CALN1: variants seen among roughly 807,000 people sequenced by gnomAD.
CALN1 encodes calneuron 1.
A neutral mutation model predicts 30.6 loss-of-function variants in CALN1; 17 were observed. The observed-to-expected ratio is 0.56, with a 90% confidence interval of 0.38 to 0.83. The LOEUF (loss-of-function observed/expected upper bound fraction) is 0.83. CALN1 is among the 40% of genes least tolerant of loss of function. The pLI, the probability that CALN1 is intolerant of heterozygous loss-of-function variation, is 0.00. For missense variants in CALN1, 291 were observed against 354.9 expected (o/e 0.82, Z 1.45); for synonymous variants, 156 against 131.4 (o/e 1.19, Z -1.28).
chr7:72,295,995 T>A (rs571590413), intron 2 of CALN1, among the ~76,000 whole-genome samples: 2 of 152,016 alleles, frequency 1.3e-5, no homozygotes, highest in South Asian at 4.2e-4. Flanking sequence ...ATATTGGCTG[T>A]GGGTTTGTCA....
chr7:71,916,454 TGTG>T (rs1794692414), intron 5 of CALN1, among the ~76,000 whole-genome samples: 1 of 151,926 alleles, frequency 6.6e-6, no homozygotes, highest in African/African-American at 2.4e-5. Flanking sequence ...ATAAAGAAAA[TGTG>T]GTACACATAC....
At chr7:72,088,425 G>A (rs191577006) in intron 4 of CALN1, among the ~76,000 whole-genome samples, 2 of 152,198 alleles carry the variant, frequency 1.3e-5, no homozygotes, top group Non-Finnish European at 2.9e-5. Flanking sequence ...TGGGCCGGGC[G>A]CAGTGGCTCA....
In CALN1 at chr7:72,205,562, ATATATG is replaced by A. The variant is rs1298316871; in HGVS notation, c.244+73118_244+73123del. On this transcript the variant is annotated intron_variant, in intron 3 of 6. Coordinates refer to ENST00000395275, the MANE Select transcript of CALN1 (RefSeq NM_031468.4). ...GATTGCAAAAAAAAAATATATATATATATATGTATATATATATATATATATTCAGGA... is the reference window on the plus strand; with the variant it reads ...GATTGCAAAAAAAAAATATATATATATATATATATATATATATATTCAGGA... 8.8e-4 allele frequency among the ~76,000 whole-genome samples: 104 copies of A among 117,554 alleles called. 17 individuals are homozygous for A. Among genetic ancestry groups the A allele is most frequent in the Admixed American group, 5.0e-3 (56 of 11,186 alleles). The allele number at this position is 117,554 out of a possible 152,430, so 77.1% of individuals were successfully genotyped here. A position where few individuals can be genotyped will look rare whatever the true frequency, so the allele number is the denominator to read the frequency against.
At chr7:72,146,445 C>T (rs1025105876) in intron 3 of CALN1, among the ~76,000 whole-genome samples, 1 of 152,128 alleles carries the variant, frequency 6.6e-6, no homozygotes, top group African/African-American at 2.4e-5. Context: ...GAACTACAAA[C>T]CACTACTCAA....
intron 5 of CALN1, among the ~76,000 whole-genome samples, chr7:72,017,334 T>C (rs946668567): frequency 2.6e-5 from 4 of 152,074 alleles, no homozygotes; most frequent in African/African-American, 4.8e-5. Context: ...CTGCTGCATA[T>C]TCTCCCACCA....
At chr7:72,436,428 G>A (rs139824290) in intron 1 of CALN1, among the ~76,000 whole-genome samples, 2 of 152,308 alleles carry the variant, frequency 1.3e-5, no homozygotes, top group East Asian at 1.9e-4. Flanking sequence ...CTCCAGCCAC[G>A]TGGAACTGTG....
At chr7:72,045,604 C>G (rs373802059) in intron 4 of CALN1, among the ~76,000 whole-genome samples, 1 of 152,226 alleles carries the variant, frequency 6.6e-6, no homozygotes, top group South Asian at 2.1e-4. Context: ...TCACAGCTGA[C>G]TGCAGCTTCC....
At chr7:72,186,456 C>T (rs1261461734) in intron 3 of CALN1, among the ~76,000 whole-genome samples, 1 of 152,060 alleles carries the variant, frequency 6.6e-6, no homozygotes. Flanking sequence ...TTCGGGGGTA[C>T]ATGTGCAGGT....
intron 5 of CALN1, among the ~76,000 whole-genome samples, chr7:71,978,725 G>A (rs1202248107): frequency 6.6e-6 from 1 of 152,146 alleles, no homozygotes; most frequent in Non-Finnish European, 1.5e-5. Flanking sequence ...TCCCTGAATT[G>A]ACTGCAGTTT....
At chr7:72,305,274 C>T (rs1799571113) in intron 2 of CALN1, among the ~76,000 whole-genome samples, 1 of 152,186 alleles carries the variant, frequency 6.6e-6, no homozygotes, top group African/African-American at 2.4e-5. Flanking sequence ...CACAAGGATG[C>T]CGGCGCTGGC....
At chr7:72,350,442 A>T (rs928877685) in intron 2 of CALN1, among the ~76,000 whole-genome samples, 2 of 152,200 alleles carry the variant, frequency 1.3e-5, no homozygotes, top group Non-Finnish European at 2.9e-5. Context: ...ATGGAATACT[A>T]CTCAGCCATA....
At chr7:72,395,353 G>GCA (rs1369419019) in intron 2 of CALN1, among the ~76,000 whole-genome samples, 1 of 66,618 alleles carries the variant, frequency 1.5e-5, no homozygotes, top group Non-Finnish European at 2.9e-5. Flanking sequence ...CGCTGCGCAC[G>GCA]CGCGCGCACA....
In CALN1 at chr7:72,283,123, C is replaced by T. The variant is rs546398652; in HGVS notation, c.120-4313G>A. The stretch of plus-strand genomic sequence containing the variant: ...GTGTTAGATTTGAATCCTACCTCTG[C>T]CCTTATTAGCCAGGTAAATAAGTAG... On this transcript the variant is annotated intron_variant, in intron 2 of 6. Transcript: ENST00000395275. Among the ~76,000 whole-genome samples, 15 of 151,924 alleles carry T rather than the reference C, an allele frequency of 9.9e-5. No individual in the cohort carries two copies. The South Asian group carries it at 2.9e-3, about 30-fold the overall frequency.
chr7:72,416,734 C>CA (rs4029798), upstream of CALN1, among the ~76,000 whole-genome samples: 42 of 77,682 alleles, frequency 5.4e-4, 1 homozygote, highest in South Asian at 1.8e-3. Flanking sequence ...GACTCTGTCT[C>CA]AAAAAAAAAA....
chr7:72,197,700 T>C (rs1181693327), intron 3 of CALN1, among the ~76,000 whole-genome samples: 1 of 151,822 alleles, frequency 6.6e-6, no homozygotes, highest in African/African-American at 2.4e-5. Context: ...CAAATAAAGA[T>C]GGAAAATTAG....
At chr7:72,299,778 T>A (rs1799128834) in intron 2 of CALN1, among the ~76,000 whole-genome samples, 1 of 150,454 alleles carries the variant, frequency 6.6e-6, no homozygotes, top group Non-Finnish European at 1.5e-5. Flanking sequence ...CAAGGGATCC[T>A]CCTGCCTCGA....
At chr7:72,078,077 A>G (rs1237544894) in intron 4 of CALN1, among the ~76,000 whole-genome samples, 1 of 152,212 alleles carries the variant, frequency 6.6e-6, no homozygotes, top group Non-Finnish European at 1.5e-5. Flanking sequence ...AAATGAGGGA[A>G]GAATCTATTC....
At chr7:72,044,083 C>T (rs573738379) in intron 4 of CALN1, among the ~76,000 whole-genome samples, 12 of 152,078 alleles carry the variant, frequency 7.9e-5, no homozygotes, top group East Asian at 5.8e-4. Context: ...CCACAACACG[C>T]GGGAATTCAA....
chr7:72,409,431 G>A (rs375787716), intron 1 of CALN1, among the ~76,000 whole-genome samples: 14 of 148,050 alleles, frequency 9.5e-5, no homozygotes, highest in East Asian at 4.4e-4. Flanking sequence ...AGAGGCTGGC[G>A]CAGAGTATAA....
Sources: gnomAD v4.1 joint callset for allele counts (sites outside exome capture counted in the v4.1 genomes callset) on GRCh38, gnomAD v4.1.1 for gene constraint, MANE v1.5 for transcripts, NCBI Gene and HGNC (gene_info 2026-07-23, HGNC 2026-07-21) for gene names.